Variants in CHD6 observed in about 807,000 individuals in gnomAD.
CHD6 encodes chromodomain helicase DNA binding protein 6.
Under a neutral mutation model 276.9 loss-of-function variants are expected in CHD6, and 50 were observed. That is an observed-to-expected ratio of 0.18 (90% confidence interval 0.14 to 0.23). The LOEUF is 0.23. Among genes scored for constraint, CHD6 ranks in the 10% least tolerant of loss-of-function variants. CHD6 has a pLI of 1.00. For synonymous variants in CHD6, 1,173 were observed against 1,229.3 expected, an observed-to-expected ratio of 0.95 and a Z score of 0.96; for missense variants, 2,564 against 3,365.8, an observed-to-expected ratio of 0.76 and a Z score of 5.89.
intron 4 of CHD6, 131 bp downstream of exon 4, chr20:41,514,673 CA>C (rs2044207962): frequency 9.8e-7 from 1 of 1,021,466 alleles, no homozygotes. Context: ...GCTCACCCAC[CA>C]AAACGGTAAA....
chr20:41,453,288 G>A (rs2048295946), intron 20 of CHD6, among the ~76,000 whole-genome samples: 1 of 152,196 alleles, frequency 6.6e-6, no homozygotes, highest in Non-Finnish European at 1.5e-5. Context: ...TGAAGACCCA[G>A]CTGTTCTGCC....
At chr20:41,493,768 C>T in intron 9 of CHD6, 90 bp downstream of exon 9, 3 of 1,554,122 alleles carry the variant, frequency 1.9e-6, no homozygotes, top group South Asian at 2.3e-5. Context: ...CGTGACTAGA[C>T]AGGAATACCA....
At chr20:41,407,278 C>T (rs1318129659) in intron 36 of CHD6, among the ~76,000 whole-genome samples, 1 of 152,130 alleles carries the variant, frequency 6.6e-6, no homozygotes, top group African/African-American at 2.4e-5. Flanking sequence ...CTCCACCAGC[C>T]CACAGCCTCC....
intron 5 of CHD6, among the ~76,000 whole-genome samples, chr20:41,512,185 G>A (rs1034989990): frequency 3.3e-5 from 5 of 151,282 alleles, no homozygotes; most frequent in African/African-American, 9.7e-5. Flanking sequence ...TGTTGATCTC[G>A]AACTCCTGGC....
At chr20:41,594,631 T>C (rs555713028) in intron 1 of CHD6, among the ~76,000 whole-genome samples, 68 of 152,380 alleles carry the variant, frequency 4.5e-4, no homozygotes, top group African/African-American at 1.0e-3. Context: ...TGGTCTTTCT[T>C]GCTCTGTACA....
chr20:41,570,992 T>C (rs1018819951), intron 1 of CHD6, among the ~76,000 whole-genome samples: 6 of 152,102 alleles, frequency 3.9e-5, no homozygotes, highest in African/African-American at 1.4e-4. Flanking sequence ...CTGAGCTGCT[T>C]CTGCTTGAAG....
chr20:41,440,050 G>A lies in CHD6; in HGVS notation c.3957C>T (p.Ser1319=). The A allele has an allele frequency of 8.7e-6, 14 of 1,613,990 alleles. No homozygotes were observed. The highest frequency in any genetic ancestry group is 1.1e-5 in the Non-Finnish European group (13 of 1,179,922). The change falls in exon 26 of 37, where the codon TCC becomes TCT. Residue 1319 remains serine (S), a synonymous_variant. Coordinates refer to ENST00000373233, the MANE Select transcript of CHD6 (RefSeq NM_032221.5). Reference sequence around the variant, plus strand: ...CTGTAACACCCTGTTCTGCAGAAAGGGACTTCTCATCGGGCATCCCAACTT... The same window carrying A: ...CTGTAACACCCTGTTCTGCAGAAAGAGACTTCTCATCGGGCATCCCAACTT... ...LEKVGMPDEK[S]LSAEQGVTDG...
chr20:41,488,806 A>G (rs1437632555), intron 12 of CHD6, among the ~76,000 whole-genome samples: 1 of 152,230 alleles, frequency 6.6e-6, no homozygotes, highest in African/African-American at 2.4e-5. Context: ...ATGAAACAGA[A>G]GCGAGACAAC....
chr20:41,495,082 T>A (rs2043650859), intron 8 of CHD6, among the ~76,000 whole-genome samples: 1 of 152,032 alleles, frequency 6.6e-6, no homozygotes, highest in Admixed American at 6.6e-5. Context: ...GTTCTTCATA[T>A]ACCGTTTCCA....
At chr20:41,460,037 T>C (rs4812511) in intron 17 of CHD6, among the ~76,000 whole-genome samples, 11,731 of 152,286 alleles carry the variant, frequency 0.077, 869 homozygotes, top group East Asian at 0.32. Context: ...ATGAGGAACT[T>C]GTTGGGAACT....
chr20:41,472,442 AG>A (rs1356579626), intron 17 of CHD6, among the ~76,000 whole-genome samples: 1 of 152,114 alleles, frequency 6.6e-6, no homozygotes, highest in Non-Finnish European at 1.5e-5. Context: ...ATTATGAAAA[AG>A]GTTTTGAGCC....
At chr20:41,507,004 A>G (rs925578107) in intron 5 of CHD6, among the ~76,000 whole-genome samples, 22 of 152,226 alleles carry the variant, frequency 1.4e-4, no homozygotes, top group Non-Finnish European at 2.8e-4. Flanking sequence ...GATATGACGT[A>G]TGAGTTACAT....
chr20:41,495,056 C>A (rs1412575790), intron 8 of CHD6, among the ~76,000 whole-genome samples: 3 of 151,210 alleles, frequency 2.0e-5, no homozygotes, highest in Non-Finnish European at 4.4e-5. Flanking sequence ...AAAAAAAAAA[C>A]CCAGTTTGTT....
chr20:41,424,522 A>C (rs1216276328), intron 29 of CHD6, among the ~76,000 whole-genome samples: 3 of 152,204 alleles, frequency 2.0e-5, no homozygotes, highest in Non-Finnish European at 4.4e-5. Context: ...ATATTCCTTG[A>C]ACTATCGAAT....
chr20:41,561,800 C>T (rs1261526678), intron 1 of CHD6, among the ~76,000 whole-genome samples: 1 of 152,204 alleles, frequency 6.6e-6, no homozygotes, highest in Non-Finnish European at 1.5e-5. Flanking sequence ...CCTTCCACCA[C>T]TTATTTTGAA....
At chr20:41,507,319 T>G (rs1048226413) in intron 5 of CHD6, among the ~76,000 whole-genome samples, 2 of 151,824 alleles carry the variant, frequency 1.3e-5, no homozygotes, top group African/African-American at 4.8e-5. Flanking sequence ...CTAAAAGAAG[T>G]CAGGGTTTAA....
chr20:41,435,834 T>C (rs889412716), intron 27 of CHD6, among the ~76,000 whole-genome samples: 1 of 151,822 alleles, frequency 6.6e-6, no homozygotes, highest in African/African-American at 2.4e-5. Flanking sequence ...AAGTGGGAGG[T>C]ATCTATCTAT....
intron 16 of CHD6, among the ~76,000 whole-genome samples, 191 bp downstream of exon 16, chr20:41,483,118 C>A (rs1245539328): frequency 2.6e-5 from 4 of 152,030 alleles, no homozygotes; most frequent in South Asian, 2.1e-4. Flanking sequence ...GAAATTTACT[C>A]TTGACAGTTA....
At chr20:41,472,533 A>G (rs1235336843) in intron 17 of CHD6, among the ~76,000 whole-genome samples, 2 of 152,248 alleles carry the variant, frequency 1.3e-5, no homozygotes, top group African/African-American at 2.4e-5. Flanking sequence ...TACACTTAAG[A>G]TGAAGTTCTT....
Sources: allele counts gnomAD v4.1 joint callset (sites outside exome capture counted in the v4.1 genomes callset), GRCh38; gene constraint gnomAD v4.1.1; transcripts MANE v1.5; gene names NCBI Gene and HGNC (gene_info 2026-07-23, HGNC 2026-07-21).